Variants in ZDHHC2 observed in about 807,000 individuals in gnomAD.
ZDHHC2 encodes the protein palmitoyltransferase ZDHHC2.
ZDHHC2 carries 51 observed loss-of-function variants against 55.6 expected under a neutral mutation model. The observed-to-expected ratio is 0.92, with a 90% CI of 0.73 to 1.16. The LOEUF (loss-of-function observed/expected upper bound fraction) is 1.16, where lower values mean the gene tolerates loss of function less well. ZDHHC2 is among the 50% of genes most tolerant of loss of function. The pLI, the probability that ZDHHC2 is intolerant of heterozygous loss-of-function variation, is 0.00. For synonymous variants in ZDHHC2, 199 were observed against 152.9 expected, an observed-to-expected ratio of 1.30 and a Z score of -2.22; for missense variants, 491 against 442.4, an observed-to-expected ratio of 1.11 and a Z score of -0.99.
At chr8:17,212,688 G>A (rs958025510) in intron 10 of ZDHHC2, among the ~76,000 whole-genome samples, 2 of 152,040 alleles carry the variant, frequency 1.3e-5, no homozygotes, top group African/African-American at 4.8e-5. Context: ...AAGTCAGATT[G>A]TGTCACTCTT....
intron 1 of ZDHHC2, among the ~76,000 whole-genome samples, chr8:17,177,239 T>C (rs1196662895): frequency 6.6e-6 from 1 of 152,170 alleles, no homozygotes; most frequent in African/African-American, 2.4e-5. Flanking sequence ...ACACGGGTGA[T>C]TGCAGTGGAA....
chr8:17,213,453 T>C (rs956840563), intron 10 of ZDHHC2, among the ~76,000 whole-genome samples: 1 of 152,104 alleles, frequency 6.6e-6, no homozygotes, highest in East Asian at 1.9e-4. Flanking sequence ...GGTATCACCA[T>C]ATTGGCCAGG....
rs968563891 is a variant in ZDHHC2, at chr8:17,210,468, C to T, written c.938C>T (p.Ser313Phe). Reference protein sequence around the residue: ...EQASTPAGLNSTAKNLENHQF... With the variant: ...EQASTPAGLNFTAKNLENHQF... ...GCATCTACTCCTGCAGGGCTGAATTCCACAGCTAAAAAGTAATCTCATATT... is the reference window on the plus strand; with the variant it reads ...GCATCTACTCCTGCAGGGCTGAATTTCACAGCTAAAAAGTAATCTCATATT... Residue 313 changes from serine to phenylalanine, a missense_variant, in exon 10 of 13, where the codon TCC (serine) becomes TTC (phenylalanine). Ser to Phe is a radical substitution (Grantham distance 155, BLOSUM62 -2). Coordinates refer to ENST00000262096, the MANE Select transcript of ZDHHC2 (RefSeq NM_016353.5). 6.2e-7 allele frequency: 1 copy of T among 1,608,118 alleles called. No homozygotes were observed. The highest frequency in any genetic ancestry group is 8.5e-7 in the Non-Finnish European group (1 of 1,177,756).
intron 6 of ZDHHC2, among the ~76,000 whole-genome samples, chr8:17,201,402 T>G (rs1362856939): frequency 2.0e-5 from 3 of 151,026 alleles, no homozygotes; most frequent in Non-Finnish European, 1.5e-5. Context: ...TTTGTGTGAA[T>G]GTATTCATCT....
intron 10 of ZDHHC2, among the ~76,000 whole-genome samples, chr8:17,211,341 C>T (rs1193973821): frequency 6.6e-6 from 1 of 152,258 alleles, no homozygotes; most frequent in East Asian, 1.9e-4. Context: ...GCCACATACA[C>T]AGTATCCACA....
chr8:17,180,986 C>G (rs1805403212), intron 1 of ZDHHC2, among the ~76,000 whole-genome samples: 2 of 152,186 alleles, frequency 1.3e-5, no homozygotes, highest in Admixed American at 1.3e-4. Flanking sequence ...TTTAAAGGAA[C>G]AGGAACCATT....
chr8:17,191,952 A>G (rs916336153), intron 3 of ZDHHC2, among the ~76,000 whole-genome samples: 1 of 152,026 alleles, frequency 6.6e-6, no homozygotes, highest in African/African-American at 2.4e-5. Context: ...TTTCTCCACC[A>G]TCTCACCAGC....
At chr8:17,215,539 C>G (rs994185186) in intron 11 of ZDHHC2, among the ~76,000 whole-genome samples, 190 bp downstream of exon 11, 2 of 152,154 alleles carry the variant, frequency 1.3e-5, no homozygotes, top group African/African-American at 4.8e-5. Flanking sequence ...AGCAGAAAAT[C>G]ATTTTGTGAA....
At chr8:17,156,976 C>T in intron 1 of ZDHHC2, 123 bp downstream of exon 1, 1 of 928,098 alleles carries the variant, frequency 1.1e-6, no homozygotes, top group Non-Finnish European at 1.5e-6. Flanking sequence ...CAACCTGCCG[C>T]GTCCCGCCGG....
chr8:17,163,264 C>T (rs1002603370), intron 1 of ZDHHC2, among the ~76,000 whole-genome samples: 3 of 152,210 alleles, frequency 2.0e-5, no homozygotes, highest in African/African-American at 7.2e-5. Flanking sequence ...CACCACTGCT[C>T]CCCCAGCCTG....
rs1195261796 is a variant in ZDHHC2 at position 17,222,164 on chromosome 8, C to T, written c.*1943C>T. On this transcript the variant is annotated 3_prime_UTR_variant, in exon 13 of 13. Transcript: ENST00000262096. The stretch of plus-strand genomic sequence containing the variant: ...GTCTTTTATATAATTAAATATATGT[C>T]AATACACATTAGAATCAGATTTGAA... 1 of 151,430 alleles carries T rather than the reference C, an allele frequency of 6.6e-6. No homozygotes were observed. Among genetic ancestry groups the T allele is most frequent in the Non-Finnish European group, 1.5e-5 (1 of 67,716 alleles). 9.4% of individuals were successfully genotyped at this position (151,430 alleles called of 1,614,324 possible).
intron 6 of ZDHHC2, among the ~76,000 whole-genome samples, chr8:17,204,479 A>T (rs113369182): frequency 6.6e-6 from 1 of 152,258 alleles, no homozygotes; most frequent in African/African-American, 2.4e-5. Flanking sequence ...GTATTAGCCA[A>T]TTCCACATGG....
rs1204636755 is a variant in ZDHHC2, at chr8:17,156,544, C to T, written c.-180C>T. On this transcript the variant is annotated 5_prime_UTR_variant, in exon 1 of 13. Coordinates refer to ENST00000262096, the MANE Select transcript of ZDHHC2 (RefSeq NM_016353.5). ...TCCGCCGGGCTGAGGAGCCGGGAGT[C>T]CGCCGCGCCGGCTCGGGGCTGCGGG... 2.7e-4 allele frequency: 77 copies of T among 286,262 alleles called. No homozygotes were observed. Among genetic ancestry groups the T allele is most frequent in the Non-Finnish European group, 3.6e-4 (69 of 189,914 alleles). The allele number at this position is 286,262 out of a possible 1,614,324, so 17.7% of individuals were successfully genotyped here.
At chr8:17,181,186 G>C (rs1339009359) in intron 1 of ZDHHC2, among the ~76,000 whole-genome samples, 1 of 152,104 alleles carries the variant, frequency 6.6e-6, no homozygotes, top group Non-Finnish European at 1.5e-5. Flanking sequence ...TGTCCGCTTT[G>C]ATATACCAGT....
chr8:17,187,728 A>G (rs574301420), intron 3 of ZDHHC2, among the ~76,000 whole-genome samples: 1 of 152,112 alleles, frequency 6.6e-6, no homozygotes, highest in South Asian at 2.1e-4. Flanking sequence ...CTTCTATCAT[A>G]GGTAGTCTCA....
At chr8:17,210,309 T>C (rs2150944770) in intron 9 of ZDHHC2, 79 bp from the exon 10 acceptor site, 1 of 1,412,776 alleles carries the variant, frequency 7.1e-7, no homozygotes, top group South Asian at 1.3e-5. Context: ...TGTTCTGCTC[T>C]CGGACATCAG....
intron 1 of ZDHHC2, among the ~76,000 whole-genome samples, chr8:17,173,726 C>T (rs147411375): frequency 6.6e-6 from 1 of 151,776 alleles, no homozygotes; most frequent in East Asian, 1.9e-4. Context: ...GAGCACAAAT[C>T]CCTGGCATAG....
At chr8:17,175,183 G>T (rs1319064812) in intron 1 of ZDHHC2, among the ~76,000 whole-genome samples, 1 of 152,182 alleles carries the variant, frequency 6.6e-6, no homozygotes, top group Admixed American at 6.5e-5. Context: ...TAGGGCGTTG[G>T]CATAGGACCA....
chr8:17,198,511 C>A (rs1382922805), intron 6 of ZDHHC2, 98 bp downstream of exon 6: 3 of 1,143,668 alleles, frequency 2.6e-6, no homozygotes, highest in South Asian at 2.1e-5. Flanking sequence ...TGAAATATTA[C>A]TTGAGTTGAC....
Sources: allele counts gnomAD v4.1 joint callset (sites outside exome capture counted in the v4.1 genomes callset), GRCh38; gene constraint gnomAD v4.1.1; transcripts MANE v1.5; gene names NCBI Gene and HGNC (gene_info 2026-07-23, HGNC 2026-07-21).